Variants in BBS2 observed in about 807,000 individuals in gnomAD.
BBS2 encodes Bardet-Biedl syndrome 2.
Under a neutral mutation model 83.0 loss-of-function variants are expected in BBS2, and 62 were observed. The ratio of observed to expected loss-of-function variants is 0.75; its 90% confidence interval spans 0.61 to 0.92. The LOEUF is 0.92. BBS2 is among the 40% of genes least tolerant of loss of function. The pLI, the probability that BBS2 is intolerant of heterozygous loss-of-function variation, is 0.00. For synonymous variants in BBS2, 303 were observed against 326.1 expected (o/e 0.93, Z 0.76); for missense variants, 784 against 901.0 (o/e 0.87, Z 1.66).
At chr16:56,518,941 T>A (rs1032177932) in intron 1 of BBS2, among the ~76,000 whole-genome samples, 19 of 152,304 alleles carry the variant, frequency 1.2e-4, no homozygotes, top group Admixed American at 2.6e-4. Context: ...AGTGAATAAA[T>A]TACGGGGAAA....
Position 56,519,957 on chromosome 16 carries a change from C to T in BBS2, c.-95G>A. ...CGGGCAAGAAGTGCAGGGACACTAC[C>T]TGCGCGGCCCCAGCCGCCTCAGGCC... is the stretch of plus-strand genomic sequence containing the variant. On this transcript the variant is annotated 5_prime_UTR_variant, in exon 1 of 17. Transcript: ENST00000245157. 9.1e-7 allele frequency: 1 copy of T among 1,095,514 alleles called. No individual in the cohort carries two copies. Among genetic ancestry groups the T allele is most frequent in the East Asian group, 2.5e-5 (1 of 39,918 alleles). The allele number at this position is 1,095,514 out of a possible 1,614,324, so 67.9% of individuals were successfully genotyped here. A position where few individuals can be genotyped will look rare whatever the true frequency, so the allele number is the denominator to read the frequency against.
At position 56,512,945 on chromosome 16, in the gene BBS2, G is replaced by A. The variant is rs117780635; in HGVS notation, c.345+1508C>T. Among the ~76,000 whole-genome samples, 1,467 of 152,280 alleles carry A rather than the reference G, an allele frequency of 9.6e-3. 14 individuals are homozygous for A. Among genetic ancestry groups the A allele is most frequent in the Non-Finnish European group, 0.015 (1,046 of 68,028 alleles). ...AGGCAGGAAGACTGCTTTAGCCCAGGAGTTTGAGACCAGCCTGGCCAACAT... is the reference window on the plus strand; with the variant it reads ...AGGCAGGAAGACTGCTTTAGCCCAGAAGTTTGAGACCAGCCTGGCCAACAT... On this transcript the variant is annotated intron_variant, in intron 2 of 16. Transcript: ENST00000245157.
downstream of BBS2, among the ~76,000 whole-genome samples, chr16:56,483,765 A>T (rs919816886): frequency 6.6e-6 from 1 of 151,650 alleles, no homozygotes; most frequent in Non-Finnish European, 1.5e-5. Context: ...CAGTGGTGCA[A>T]TCTTGCTCAC....
At chr16:56,519,442 G>A in intron 1 of BBS2, 1 of 366,650 alleles carries the variant, frequency 2.7e-6, no homozygotes, top group Non-Finnish European at 5.0e-6. Context: ...GGTTATTACT[G>A]CTAACCCGAA....
chr16:56,506,267 C>T (rs1408259949), intron 5 of BBS2, 43 bp from the exon 6 acceptor site: 1 of 1,445,260 alleles, frequency 6.9e-7, no homozygotes. Context: ...TTCATTAAGA[C>T]TCAGTTTACT....
chr16:56,476,331 T>C (rs1382726528), intron 17 of BBS2: 2 of 818,780 alleles, frequency 2.4e-6, no homozygotes, highest in Non-Finnish European at 3.7e-6. Context: ...AAACTGGTTG[T>C]CTTTTACTAG....
downstream of BBS2, among the ~76,000 whole-genome samples, chr16:56,482,353 T>A (rs1963676691): frequency 6.6e-6 from 1 of 151,752 alleles, no homozygotes; most frequent in Non-Finnish European, 1.5e-5. Flanking sequence ...GTGAGGCACA[T>A]TTATTTATTT....
In BBS2 at chr16:56,511,223, G is replaced by A. The variant is rs373166163; in HGVS notation, c.407C>T (p.Ala136Val). The change falls in exon 3 of 17, where the codon GCG becomes GTG. Residue 136 changes from alanine (A) to valine (V), a missense_variant. Coordinates refer to ENST00000245157, the MANE Select transcript of BBS2 (RefSeq NM_031885.5). ...GTLGDISSPL[A>V]IIGGNCALQG... is the part of the protein sequence containing the mutation. ...CAGAGCACAATTGCCACCAATAATC[G>A]CAAGAGGGGAAGAAATGTCTCCCAA... 8.1e-6 allele frequency: 13 copies of A among 1,613,966 alleles called. No individual in the cohort carries two copies. Among genetic ancestry groups the A allele is most frequent in the South Asian group, 3.3e-5 (3 of 91,074 alleles).
intron 2 of BBS2, among the ~76,000 whole-genome samples, chr16:56,513,365 C>T (rs1414977537): frequency 6.6e-6 from 1 of 151,920 alleles, no homozygotes; most frequent in African/African-American, 2.4e-5. Context: ...AATGACATAA[C>T]GGGTATGTAG....
exon 18 of BBS2, chr16:56,470,449 G>A (rs1963113553): frequency 1.3e-6 from 2 of 1,544,608 alleles, no homozygotes; most frequent in Non-Finnish European, 1.8e-6. Context: ...TTTTACATCT[G>A]TGGCTTTGAT....
intron 15 of BBS2, among the ~76,000 whole-genome samples, chr16:56,495,093 T>A (rs1297789199): frequency 6.6e-6 from 1 of 152,048 alleles, no homozygotes; most frequent in Admixed American, 6.5e-5. Context: ...ATGCTGGAGA[T>A]CAACACATTA....
chr16:56,475,674 T>G, intron 17 of BBS2: 1 of 862,608 alleles, frequency 1.2e-6, no homozygotes, highest in Non-Finnish European at 1.9e-6. Context: ...CTAATAAATC[T>G]CTGCCAGGCA....
intron 5 of BBS2, 111 bp downstream of exon 5, chr16:56,509,846 C>A: frequency 8.7e-7 from 1 of 1,144,018 alleles, no homozygotes. Flanking sequence ...AAGCTTTTAT[C>A]CTAAAACCAC....
intron 2 of BBS2, among the ~76,000 whole-genome samples, chr16:56,513,088 G>T (rs1964624798): frequency 6.6e-6 from 1 of 152,116 alleles, no homozygotes; most frequent in African/African-American, 2.4e-5. Flanking sequence ...TGAGGTCAAG[G>T]CTGCAGTAAG....
chr16:56,498,483 A>G lies in BBS2; in HGVS notation c.1613T>C (p.Leu538Ser), dbSNP rs754881357. 3.7e-6 allele frequency: 6 copies of G among 1,614,000 alleles called. No individual in the cohort carries two copies. Residue 538 changes from leucine to serine, a missense_variant, in exon 13 of 17, where the codon TTA (leucine) becomes TCA (serine). Physicochemically the swap from Leu to Ser is moderately radical, Grantham distance 145. Transcript: ENST00000245157. ...NAPFQVCFTS[L>S]RNGGHLHIKI... ...TATATGCAGGTGGCCGCCATTCCGT[A>G]AAGATGTGAAACACACTTGAAATGG...
downstream of BBS2, among the ~76,000 whole-genome samples, chr16:56,479,739 C>T (rs1306541451): frequency 1.3e-5 from 2 of 152,224 alleles, no homozygotes; most frequent in Non-Finnish European, 2.9e-5. Context: ...AGCTGGCACA[C>T]CTTGCTGGTG....
At chr16:56,481,743 C>G (rs572725888), downstream of BBS2, among the ~76,000 whole-genome samples, 22 of 152,306 alleles carry the variant, frequency 1.4e-4, no homozygotes, top group African/African-American at 5.1e-4. Flanking sequence ...TTCCTCACTC[C>G]TAAGCTGAAC....
intron 1 of BBS2, 69 bp downstream of exon 1, chr16:56,519,677 C>CA (rs1282391457): frequency 7.5e-7 from 1 of 1,336,768 alleles, no homozygotes; most frequent in African/African-American, 1.4e-5. Flanking sequence ...GACGGGATCC[C>CA]AGGGGCGCGG....
rs774564400 is a variant in BBS2 at position 56,519,895 on chromosome 16, G to A, written c.-33C>T. On this transcript the variant is annotated 5_prime_UTR_variant, in exon 1 of 17. Coordinates refer to ENST00000245157, the MANE Select transcript of BBS2 (RefSeq NM_031885.5). ...GCGGCTTAGGGGAGGAGGGCTGGAA[G>A]CTGGAGACAAGCGCAGCGGAGCTGG... is the stretch of plus-strand genomic sequence containing the variant. 4 of 1,567,060 alleles carry A rather than the reference G, an allele frequency of 2.6e-6. No homozygotes were observed. Among genetic ancestry groups the A allele is most frequent in the Non-Finnish European group, 3.5e-6 (4 of 1,137,766 alleles).
Sources: gnomAD v4.1 joint callset for allele counts (sites outside exome capture counted in the v4.1 genomes callset) on GRCh38, gnomAD v4.1.1 for gene constraint, MANE v1.5 for transcripts, NCBI Gene and HGNC (gene_info 2026-07-23, HGNC 2026-07-21) for gene names.